The following DAB1 variants were observed in gnomAD, a reference collection of about 807,000 sequenced individuals.
DAB1 encodes the protein disabled homolog 1.
In DAB1, 15 loss-of-function variants were observed where a neutral mutation model predicts 64.6. The observed-to-expected ratio is 0.23, with a 90% CI of 0.16 to 0.36. The LOEUF (loss-of-function observed/expected upper bound fraction) is 0.36, where lower values mean the gene tolerates loss of function less well. DAB1 is among the 10% of genes least tolerant of loss of function. The pLI is 1.00. For synonymous variants in DAB1, 235 were observed against 251.9 expected (o/e 0.93, Z 0.64); for missense variants, 596 against 706.7 (o/e 0.84, Z 1.78).
At chr1:57,750,459 T>G (rs1359882018) in intron 6 of DAB1, among the ~76,000 whole-genome samples, 2 of 152,206 alleles carry the variant, frequency 1.3e-5, no homozygotes, top group Non-Finnish European at 2.9e-5. Flanking sequence ...CCTCGGTTAG[T>G]CAGTGAACCT....
intron 5 of DAB1, among the ~76,000 whole-genome samples, chr1:58,002,708 A>G (rs554821304): frequency 6.6e-6 from 1 of 152,178 alleles, no homozygotes; most frequent in African/African-American, 2.4e-5. Context: ...GAGAGAGAAG[A>G]ATCCACAACA....
At chr1:58,123,544 G>A (rs991079444) in intron 5 of DAB1, among the ~76,000 whole-genome samples, 3 of 152,108 alleles carry the variant, frequency 2.0e-5, no homozygotes, top group South Asian at 2.1e-4. Flanking sequence ...TTACCTTGAC[G>A]AAGCTCCCAA....
intron 6 of DAB1, among the ~76,000 whole-genome samples, chr1:57,772,492 G>A (rs954281492): frequency 7.9e-5 from 12 of 152,116 alleles, no homozygotes; most frequent in African/African-American, 2.7e-4. Context: ...ACATTCATGT[G>A]CAGCTCTATG....
chr1:57,253,137 T>G (rs1669479402), intron 2 of DAB1, among the ~76,000 whole-genome samples: 2 of 152,208 alleles, frequency 1.3e-5, no homozygotes, highest in South Asian at 4.1e-4. Context: ...CTTCGGGATC[T>G]GCATAAGGGC....
rs563967237 is a variant in DAB1, at chr1:57,115,296, T to C, written c.306+21247A>G. Among the ~76,000 whole-genome samples, 8 of 152,324 alleles carry C rather than the reference T, an allele frequency of 5.3e-5. No individual in the cohort carries two copies. The South Asian group carries it at 1.7e-3, about 32-fold the overall frequency. ...TATCACCACCAAGCCTCAGGGTTTC[T>C]CATATATTAAATCACACTTAATTTT... On this transcript the variant is annotated intron_variant, in intron 4 of 14. Coordinates refer to ENST00000371236, the MANE Select transcript of DAB1 (RefSeq NM_001365792.1).
intron 1 of DAB1, chr1:58,530,784 C>G: frequency 2.4e-6 from 2 of 822,356 alleles, no homozygotes; most frequent in Non-Finnish European, 4.2e-6. Flanking sequence ...ACAGTATATG[C>G]TTACATTTTC....
chr1:57,637,642 T>A (rs1472512317), intron 7 of DAB1, among the ~76,000 whole-genome samples: 1 of 152,166 alleles, frequency 6.6e-6, no homozygotes, highest in African/African-American at 2.4e-5. Context: ...GGCCAGGGTA[T>A]GAAGATCTTC....
At chr1:58,428,617 T>A (rs1163280020) in intron 3 of DAB1, among the ~76,000 whole-genome samples, 1 of 152,224 alleles carries the variant, frequency 6.6e-6, no homozygotes, top group African/African-American at 2.4e-5. Flanking sequence ...TAATGGTATG[T>A]GATTATGTTT....
At chr1:57,415,284 T>C (rs114413872) in intron 1 of DAB1, among the ~76,000 whole-genome samples, 11,634 of 130,950 alleles carry the variant, frequency 0.089, 509 homozygotes, top group Middle Eastern at 0.12. Context: ...CACACACATA[T>C]ATGCACACAC....
intron 4 of DAB1, among the ~76,000 whole-genome samples, chr1:58,156,883 AC>A (rs1038892946): frequency 6.6e-6 from 1 of 152,214 alleles, no homozygotes; most frequent in African/African-American, 2.4e-5. Context: ...AGGAATTTCA[AC>A]TTTATAATGG....
rs1491296848 is a variant in DAB1 at position 57,641,378 on chromosome 1, G to GTTTTTTTTTTTTTTTTTTTTTTTTTTT, written n.625+8213_625+8214insAAAAAAAAAAAAAAAAAAAAAAAAAAA. Among the ~76,000 whole-genome samples the GTTTTTTTTTTTTTTTTTTTTTTTTTTT allele has an allele frequency of 4.6e-5, 5 of 109,804 alleles. 2 individuals are homozygous for GTTTTTTTTTTTTTTTTTTTTTTTTTTT. The highest frequency in any genetic ancestry group is 1.0e-4 in the African/African-American group (3 of 29,980). 72.0% of individuals were successfully genotyped at this position (109,804 alleles called of 152,430 possible). ...TGCCCAGTTCCCTCTTTTTTTTGTT[G>GTTTTTTTTTTTTTTTTTTTTTTTTTTT]GTTTTTTTTTTTTTTTTTTTTTTGA... On this transcript the variant is annotated intron_variant and non_coding_transcript_variant, in intron 7 of 20. Coordinates refer to the DAB1 transcript ENST00000485760.
intron 5 of DAB1, among the ~76,000 whole-genome samples, chr1:57,891,949 A>G (rs1311381368): frequency 6.6e-6 from 1 of 152,236 alleles, no homozygotes; most frequent in African/African-American, 2.4e-5. Context: ...CCTAGGTAAC[A>G]AACGTGCACG....
In DAB1 at chr1:58,459,829, T is replaced by G. The variant is rs969110796; in HGVS notation, n.257+46231A>C. 6.6e-5 allele frequency among the ~76,000 whole-genome samples: 10 copies of G among 152,166 alleles called. No individual in the cohort carries two copies. In the South Asian group the frequency reaches 1.9e-3, roughly 28 times the overall value. On this transcript the variant is annotated intron_variant and non_coding_transcript_variant, in intron 3 of 20. Coordinates refer to the DAB1 transcript ENST00000485760. ...CCCATCTCTACTAAAAATACAAAAA[T>G]TAGCCTGGCTTGATGGTGCATGCCT...
At chr1:57,717,257 A>G (rs1425550742) in intron 6 of DAB1, among the ~76,000 whole-genome samples, 1 of 151,800 alleles carries the variant, frequency 6.6e-6, no homozygotes, top group Non-Finnish European at 1.5e-5. Context: ...GAATAAATAA[A>G]AATAAAAATA....
chr1:58,312,478 C>G (rs187672554), intron 4 of DAB1, among the ~76,000 whole-genome samples: 130 of 152,274 alleles, frequency 8.5e-4, no homozygotes, highest in African/African-American at 2.7e-3. Context: ...AAGAACTGAG[C>G]TTAAGAACGG....
At chr1:57,491,392 C>A (rs1644162589) in intron 7 of DAB1, among the ~76,000 whole-genome samples, 1 of 152,068 alleles carries the variant, frequency 6.6e-6, no homozygotes, top group African/African-American at 2.4e-5. Flanking sequence ...TGCGCCACTG[C>A]ACTCTAGCCT....
At chr1:57,321,065 G>C (rs2100764615) in intron 1 of DAB1, among the ~76,000 whole-genome samples, 1 of 152,202 alleles carries the variant, frequency 6.6e-6, no homozygotes. Flanking sequence ...TGAAACGAAG[G>C]TATACAAAGG....
At chr1:57,388,510 C>T (rs1197713109) in intron 1 of DAB1, among the ~76,000 whole-genome samples, 1 of 152,160 alleles carries the variant, frequency 6.6e-6, no homozygotes. Context: ...TTCTGTCCAG[C>T]CGCATGTGCC....
intron 4 of DAB1, among the ~76,000 whole-genome samples, chr1:58,281,926 C>G (rs960856440): frequency 6.6e-6 from 1 of 152,144 alleles, no homozygotes; most frequent in Non-Finnish European, 1.5e-5. Context: ...ACCACTACCA[C>G]CGCCATCATC....
Sources: allele counts gnomAD v4.1 joint callset (sites outside exome capture counted in the v4.1 genomes callset), GRCh38; gene constraint gnomAD v4.1.1; transcripts MANE v1.5; gene names NCBI Gene and HGNC (gene_info 2026-07-23, HGNC 2026-07-21).